The following SDK2 variants were observed in gnomAD, a reference collection of about 807,000 sequenced individuals.
SDK2 encodes protein sidekick-2.
A neutral mutation model predicts 253.9 loss-of-function variants in SDK2; 105 were observed. That is an observed-to-expected ratio of 0.41 (90% CI 0.35 to 0.49). SDK2 has a LOEUF of 0.49. Ranked by LOEUF, SDK2 falls within the 20% of genes least tolerant of loss-of-function variation. SDK2 has a pLI of 0.06. For missense variants in SDK2, 2,608 were observed against 3,003.0 expected, an observed-to-expected ratio of 0.87 and a Z score of 3.07; for synonymous variants, 1,249 against 1,234.9, an observed-to-expected ratio of 1.01 and a Z score of -0.24.
At chr17:73,564,827 AAAAAAAC>A (rs1212417196) in intron 1 of SDK2, among the ~76,000 whole-genome samples, 5 of 143,850 alleles carry the variant, frequency 3.5e-5, no homozygotes, top group Admixed American at 1.4e-4. Flanking sequence ...TCTGTCTGAA[AAAAAAAC>A]AAAAAACAAA....
chr17:73,436,954 C>T (rs1006098122), intron 8 of SDK2, among the ~76,000 whole-genome samples: 3 of 152,094 alleles, frequency 2.0e-5, no homozygotes, highest in Admixed American at 6.5e-5. Flanking sequence ...TTACATTCTA[C>T]GCGAGCAGGG....
At chr17:73,381,073 CAGGA>C in intron 33 of SDK2, 123 bp from the exon 34 acceptor site, 2 of 654,556 alleles carry the variant, frequency 3.1e-6, no homozygotes, top group Non-Finnish European at 5.5e-6. Context: ...CGTGAACAGA[CAGGA>C]AGAGTGTTTC....
chr17:73,639,358 A>G lies in SDK2; in HGVS notation c.64+4667T>C, dbSNP rs557670997. Among the ~76,000 whole-genome samples the G allele has an allele frequency of 6.6e-6, 1 of 152,172 alleles. No individual in the cohort carries two copies. The highest frequency in any genetic ancestry group is 2.1e-4 in the South Asian group (1 of 4,824). On this transcript the variant is annotated intron_variant, in intron 1 of 44. Coordinates refer to ENST00000392650, the MANE Select transcript of SDK2 (RefSeq NM_001144952.2). The surrounding 1 kb of genome is among the most constrained non-coding windows in gnomAD (Gnocchi z 4.3). ...GTCCCCTCTCTCCCTTCCCCCGGGGATGCTGAGCATCCCTGCTCAACGCTG... is the reference window on the plus strand; with the variant it reads ...GTCCCCTCTCTCCCTTCCCCCGGGGGTGCTGAGCATCCCTGCTCAACGCTG...
rs1365746533 is a variant in SDK2, at chr17:73,336,806, A to G, written c.*1781T>C. The G allele has an allele frequency of 6.6e-6, 1 of 152,638 alleles. No homozygotes were observed. Among genetic ancestry groups the G allele is most frequent in the African/African-American group, 2.4e-5 (1 of 41,426 alleles). The allele number at this position is 152,638 out of a possible 1,614,324, so 9.5% of individuals were successfully genotyped here. On this transcript the variant is annotated 3_prime_UTR_variant, in exon 45 of 45. Transcript: ENST00000392650. ...TGCACAGAGGGAGCCCTGCTCCACG[A>G]AGGGGCTCACGCTGAATCAGACAGG...
At position 73,336,715 on chromosome 17, in the gene SDK2, G is replaced by A. The variant is rs1047642148; in HGVS notation, c.*1872C>T. 1 of 152,920 alleles carries A rather than the reference G, an allele frequency of 6.5e-6. No individual in the cohort carries two copies. Among genetic ancestry groups the A allele is most frequent in the African/African-American group, 2.4e-5 (1 of 41,436 alleles). 9.5% of individuals were successfully genotyped at this position (152,920 alleles called of 1,614,324 possible). On this transcript the variant is annotated 3_prime_UTR_variant, in exon 45 of 45. Transcript: ENST00000392650. Reference sequence around the variant, plus strand: ...CCAAATCTCCTACTTGGGCTTCCTTGAACTCTGCTCACCCACCCCAACAGA... The same window carrying A: ...CCAAATCTCCTACTTGGGCTTCCTTAAACTCTGCTCACCCACCCCAACAGA...
intron 2 of SDK2, among the ~76,000 whole-genome samples, chr17:73,489,483 A>G (rs1025887059): frequency 6.6e-5 from 10 of 152,212 alleles, no homozygotes; most frequent in African/African-American, 1.4e-4. Context: ...TTGTGATGGC[A>G]TGAACCCTGC....
At chr17:73,378,424 AT>A (rs112567635) in intron 36 of SDK2, among the ~76,000 whole-genome samples, 14,752 of 145,424 alleles carry the variant, frequency 0.1, 2,067 homozygotes, top group African/African-American at 0.32. Flanking sequence ...TTTAATTTTA[AT>A]TTTTTTTTTT....
At chr17:73,419,737 A>C (rs1412183081) in intron 15 of SDK2, among the ~76,000 whole-genome samples, 1 of 126,628 alleles carries the variant, frequency 7.9e-6, no homozygotes, top group Non-Finnish European at 1.7e-5. Context: ...ACCCAAAAAA[A>C]CTCCCTCCTG....
chr17:73,440,108 CT>C (rs112008765), intron 6 of SDK2, among the ~76,000 whole-genome samples: 33,774 of 138,518 alleles, frequency 0.24, 4,174 homozygotes, highest in Non-Finnish European at 0.3. Context: ...AGCCCATACT[CT>C]TTTTTTTTTT....
rs953346622 is a variant in SDK2 at position 73,455,399 on chromosome 17, C to A, written c.479+507G>T. ...AGACGGCCTTGTGAACACTCAGAGG[C>A]CTGTGTGTTTCTCTGCCCAGGGCTT... On this transcript the variant is annotated intron_variant, in intron 4 of 44. Transcript: ENST00000392650. The surrounding 1 kb of genome is among the most constrained non-coding windows in gnomAD (Gnocchi z 5.0). Among the ~76,000 whole-genome samples the A allele has an allele frequency of 6.6e-6, 1 of 152,174 alleles. No homozygotes were observed. The highest frequency in any genetic ancestry group is 2.4e-5 in the African/African-American group (1 of 41,430).
chr17:73,551,181 C>T (rs933090393), intron 1 of SDK2, among the ~76,000 whole-genome samples: 4 of 152,214 alleles, frequency 2.6e-5, no homozygotes, highest in South Asian at 2.1e-4. Flanking sequence ...GGACTCCACG[C>T]GCACCTTGTC....
rs543321199 is a variant in SDK2, at chr17:73,496,354, A to G, written c.224+11084T>C. ...CACAGTGAGTCAGGGGCAGGACTGG[A>G]CATCACAAGGTGGGATGCTGGGGCT... is the stretch of plus-strand genomic sequence containing the variant. On this transcript the variant is annotated intron_variant, in intron 2 of 44. Coordinates refer to ENST00000392650, the MANE Select transcript of SDK2 (RefSeq NM_001144952.2). The surrounding 1 kb of genome is among the most constrained non-coding windows in gnomAD (Gnocchi z 4.7). Among the ~76,000 whole-genome samples, 1 of 152,278 alleles carries G rather than the reference A, an allele frequency of 6.6e-6. No homozygotes were observed. Among genetic ancestry groups the G allele is most frequent in the Non-Finnish European group, 1.5e-5 (1 of 68,028 alleles).
intron 2 of SDK2, among the ~76,000 whole-genome samples, chr17:73,473,326 T>C (rs1380735630): frequency 6.6e-6 from 1 of 152,168 alleles, no homozygotes; most frequent in African/African-American, 2.4e-5. Context: ...CAGGAGTGGA[T>C]GAAGGGGACC....
At chr17:73,599,724 T>C (rs1253317045) in intron 1 of SDK2, among the ~76,000 whole-genome samples, 3 of 152,162 alleles carry the variant, frequency 2.0e-5, no homozygotes, top group Non-Finnish European at 4.4e-5. Context: ...TCCACCACCC[T>C]AAGCCATTCC....
chr17:73,393,305 G>A (rs1162820787), intron 27 of SDK2, among the ~76,000 whole-genome samples: 2 of 150,904 alleles, frequency 1.3e-5, no homozygotes, highest in African/African-American at 4.9e-5. Context: ...TATTCTGTAT[G>A]CTTGTTTTGC....
At chr17:73,388,100 C>T (rs776618013) in intron 29 of SDK2, 63 bp from the exon 30 acceptor site, 1 of 1,179,720 alleles carries the variant, frequency 8.5e-7, no homozygotes, top group Non-Finnish European at 1.2e-6. Context: ...GGGGGCTGGA[C>T]TTTCTCGAGG....
At chr17:73,537,337 C>T (rs1259645025) in intron 1 of SDK2, among the ~76,000 whole-genome samples, 1 of 152,112 alleles carries the variant, frequency 6.6e-6, no homozygotes, top group Non-Finnish European at 1.5e-5. Flanking sequence ...TCCAATCTGC[C>T]GATTTCGCTT....
intron 1 of SDK2, among the ~76,000 whole-genome samples, chr17:73,524,015 G>A (rs1412924443): frequency 6.6e-6 from 1 of 152,148 alleles, no homozygotes; most frequent in Non-Finnish European, 1.5e-5. Context: ...TGAATGAAAG[G>A]GATTTTCTCA....
chr17:73,631,835 T>G (rs1430062326), intron 1 of SDK2, among the ~76,000 whole-genome samples: 3 of 152,196 alleles, frequency 2.0e-5, no homozygotes, highest in Non-Finnish European at 4.4e-5. Context: ...AAAAGGCCCC[T>G]GGGCGGTGGA....
Sources: gnomAD v4.1 joint callset for allele counts (sites outside exome capture counted in the v4.1 genomes callset) on GRCh38, gnomAD v4.1.1 for gene constraint, Gnocchi (gnomAD v3.1) non-coding constraint, MANE v1.5 for transcripts, NCBI Gene and HGNC (gene_info 2026-07-23, HGNC 2026-07-21) for gene names.